GPHN: variants seen among roughly 807,000 people sequenced by gnomAD.
The protein encoded by GPHN is gephyrin.
GPHN carries 17 observed loss-of-function variants against 95.5 expected under a neutral mutation model. The observed-to-expected ratio is 0.18, with a 90% CI of 0.12 to 0.27. The LOEUF (loss-of-function observed/expected upper bound fraction) is 0.27, where lower values mean the gene tolerates loss of function less well. Among genes scored for constraint, GPHN ranks in the 10% least tolerant of loss-of-function variants. The pLI is 1.00. For synonymous variants in GPHN, 320 were observed against 322.5 expected (o/e 0.99, Z 0.08); for missense variants, 660 against 978.1 (o/e 0.67, Z 4.34).
chr14:66,638,217 T>C (rs2064205192), intron 1 of GPHN, among the ~76,000 whole-genome samples: 1 of 152,130 alleles, frequency 6.6e-6, no homozygotes, highest in Non-Finnish European at 1.5e-5. Flanking sequence ...GTGAATCACT[T>C]GAGATCGGGA....
chr14:66,803,402 T>C (rs1234011932), intron 3 of GPHN, among the ~76,000 whole-genome samples: 2 of 152,174 alleles, frequency 1.3e-5, no homozygotes, highest in African/African-American at 4.8e-5. Flanking sequence ...TCACCTGAGT[T>C]TGAGTTTTAC....
At chr14:67,048,363 A>G (rs1437275709) in intron 10 of GPHN, among the ~76,000 whole-genome samples, 4 of 152,206 alleles carry the variant, frequency 2.6e-5, no homozygotes, top group Non-Finnish European at 5.9e-5. Context: ...AATATAGTCA[A>G]CCTCATCTCT....
At chr14:67,481,445 TAGG>T in the GPHN span, among the ~76,000 whole-genome samples, 1 of 151,978 alleles carries the variant, frequency 6.6e-6, no homozygotes, top group African/African-American at 2.4e-5. Flanking sequence ...AGGGCAGAAC[TAGG>T]AGAACATAGC....
chr14:67,271,639 G>A, the GPHN span: 1 of 152,240 alleles, frequency 6.6e-6, no homozygotes, highest in African/African-American at 2.4e-5. Context: ...TAAACATGCT[G>A]TCTTGGGTAA....
chr14:67,119,154 TGATCTTATCTTAAAGTATATG>T (rs2078868207), intron 16 of GPHN, among the ~76,000 whole-genome samples: 1 of 152,236 alleles, frequency 6.6e-6, no homozygotes, highest in Non-Finnish European at 1.5e-5. Context: ...AAGTTGTCCA[TGATCTTATCTTAAAGTATATG>T]GATCTGAACA....
chr14:67,670,808 G>A, the GPHN span, among the ~76,000 whole-genome samples: 3 of 152,170 alleles, frequency 2.0e-5, no homozygotes, highest in East Asian at 5.8e-4. Context: ...CTACCAGCAT[G>A]AGCCACCGTG....
At chr14:66,741,711 A>C (rs746222994) in intron 2 of GPHN, among the ~76,000 whole-genome samples, 2 of 152,148 alleles carry the variant, frequency 1.3e-5, no homozygotes, top group Non-Finnish European at 2.9e-5. Context: ...GCTGACATCA[A>C]ATTATTTCTT....
chr14:67,391,801 G>A, the GPHN span, among the ~76,000 whole-genome samples: 592 of 152,284 alleles, frequency 3.9e-3, 5 homozygotes, highest in African/African-American at 0.013. Context: ...TCCCAAACAC[G>A]GTTTAGGAGT....
intron 10 of GPHN, among the ~76,000 whole-genome samples, chr14:67,053,252 A>G (rs1333754633): frequency 6.6e-6 from 1 of 151,324 alleles, no homozygotes; most frequent in African/African-American, 2.4e-5. Context: ...GAAGAATCAA[A>G]TAGACACAAT....
At chr14:67,107,751 G>GA (rs2078127001) in intron 13 of GPHN, among the ~76,000 whole-genome samples, 1 of 152,022 alleles carries the variant, frequency 6.6e-6, no homozygotes, top group Non-Finnish European at 1.5e-5. Context: ...TTTGATCCCC[G>GA]GGGGGGCCAA....
chr14:67,206,842 T>A, the GPHN span, among the ~76,000 whole-genome samples: 2 of 151,988 alleles, frequency 1.3e-5, no homozygotes, highest in Non-Finnish European at 2.9e-5. Context: ...GCGATTCTTA[T>A]GCCTCAGCTT....
At chr14:66,769,403 T>A (rs7144323) in intron 2 of GPHN, among the ~76,000 whole-genome samples, 46,151 of 151,916 alleles carry the variant, frequency 0.3, 11,460 homozygotes, top group African/African-American at 0.66. Context: ...GGGTTTGTTG[T>A]ACAGATTATT....
chr14:67,041,700 T>C (rs1429541458), intron 10 of GPHN, among the ~76,000 whole-genome samples: 12 of 152,194 alleles, frequency 7.9e-5, no homozygotes, highest in Non-Finnish European at 1.8e-4. Context: ...GTCTTTACCA[T>C]AGAATGATTT....
the GPHN span, chr14:67,292,653 A>C: frequency 6.2e-7 from 1 of 1,613,806 alleles, no homozygotes; most frequent in East Asian, 2.2e-5. Context: ...ATGCCATCAC[A>C]GTACACATGA....
chr14:66,652,534 T>C (rs1299688681), intron 1 of GPHN, among the ~76,000 whole-genome samples: 1 of 151,950 alleles, frequency 6.6e-6, no homozygotes, highest in Non-Finnish European at 1.5e-5. Context: ...GGTTTTTTTT[T>C]CTGTTTTTAA....
At chr14:67,319,478 A>G in the GPHN span, among the ~76,000 whole-genome samples, 2 of 152,186 alleles carry the variant, frequency 1.3e-5, no homozygotes, top group Admixed American at 6.5e-5. Context: ...GATAGCATGC[A>G]TATGGCCTGT....
intron 2 of GPHN, among the ~76,000 whole-genome samples, chr14:66,758,963 A>G (rs997991087): frequency 6.6e-6 from 1 of 152,120 alleles, no homozygotes; most frequent in Middle Eastern, 3.2e-3. Context: ...TTGAAACATA[A>G]TTTTTCTCTC....
chr14:67,134,878 T>C (rs1236907512), intron 17 of GPHN, among the ~76,000 whole-genome samples: 2 of 150,896 alleles, frequency 1.3e-5, no homozygotes, highest in African/African-American at 2.4e-5. Flanking sequence ...TAATTTTTCT[T>C]TTCTTTCTTT....
At chr14:67,138,887 CTTTTTT>C (rs34446302) in intron 17 of GPHN, among the ~76,000 whole-genome samples, 3 of 94,688 alleles carry the variant, frequency 3.2e-5, no homozygotes, top group African/African-American at 1.8e-4. Flanking sequence ...GCATCCTCTC[CTTTTTT>C]TTTTTTTTTT....
Sources: allele counts gnomAD v4.1 joint callset (sites outside exome capture counted in the v4.1 genomes callset), GRCh38; gene constraint gnomAD v4.1.1; transcripts MANE v1.5; gene names NCBI Gene and HGNC (gene_info 2026-07-23, HGNC 2026-07-21).